EYA2: variants seen among roughly 807,000 people sequenced by gnomAD.
The protein encoded by EYA2 is EYA transcriptional coactivator and phosphatase 2.
In EYA2, 31 loss-of-function variants were observed where a neutral mutation model predicts 69.2. The ratio of observed to expected loss-of-function variants is 0.45; its 90% CI spans 0.34 to 0.60. The LOEUF (loss-of-function observed/expected upper bound fraction) is 0.60. Ranked by LOEUF, EYA2 falls within the 20% of genes least tolerant of loss-of-function variation. The pLI is 0.02. For synonymous variants in EYA2, 257 were observed against 279.4 expected, an observed-to-expected ratio of 0.92 and a Z score of 0.80; for missense variants, 622 against 701.2, an observed-to-expected ratio of 0.89 and a Z score of 1.28.
chr20:47,033,630 G>A (rs181827680), intron 5 of EYA2, among the ~76,000 whole-genome samples: 4 of 152,270 alleles, frequency 2.6e-5, no homozygotes, highest in African/African-American at 4.8e-5. Context: ...GCAAGGTGTC[G>A]GGGAGAGGCA....
intron 9 of EYA2, among the ~76,000 whole-genome samples, chr20:47,108,018 G>A (rs1346320855): frequency 6.6e-6 from 1 of 152,200 alleles, no homozygotes; most frequent in Non-Finnish European, 1.5e-5. Flanking sequence ...TGTGCCTGGG[G>A]AGTTTGAGGG....
chr20:46,897,117 G>A (rs1055646030), intron 1 of EYA2, among the ~76,000 whole-genome samples: 1 of 152,084 alleles, frequency 6.6e-6, no homozygotes, highest in African/African-American at 2.4e-5. Flanking sequence ...ACTTGTTATA[G>A]GATTACCATT....
At chr20:46,899,895 C>T (rs1415133526) in intron 1 of EYA2, among the ~76,000 whole-genome samples, 1 of 152,222 alleles carries the variant, frequency 6.6e-6, no homozygotes, top group Non-Finnish European at 1.5e-5. Flanking sequence ...TTTGAAAAGT[C>T]TGCCTCTGCC....
rs1555806208 is a variant in EYA2, at chr20:47,166,393, T to TTAAAAAAAAAAAAA, written c.979-2746_979-2745insTAAAAAAAAAAAAA. ...GCTTGGGTGACAGAGCAAGACTGTCTAAAAAAAAAAAAAAAAAAAAAAAAA... is the reference window on the plus strand; with the variant it reads ...GCTTGGGTGACAGAGCAAGACTGTCTTAAAAAAAAAAAAAAAAAAAAAAAAAAAAAAAAAAAAAA... On this transcript the variant is annotated intron_variant, in intron 10 of 15. Coordinates refer to ENST00000327619, the MANE Select transcript of EYA2 (RefSeq NM_005244.5). Among the ~76,000 whole-genome samples, 33 of 34,522 alleles carry TTAAAAAAAAAAAAA rather than the reference T, an allele frequency of 9.6e-4. 4 individuals are homozygous for TTAAAAAAAAAAAAA. The highest frequency in any genetic ancestry group is 1.9e-3 in the Admixed American group (4 of 2,070). 22.6% of individuals were successfully genotyped at this position (34,522 alleles called of 152,430 possible).
At chr20:46,971,790 A>T (rs922859441) in intron 1 of EYA2, among the ~76,000 whole-genome samples, 1 of 152,294 alleles carries the variant, frequency 6.6e-6, no homozygotes, top group East Asian at 1.9e-4. Flanking sequence ...AAATGTTCTG[A>T]TAAGTGGTGC....
intron 1 of EYA2, among the ~76,000 whole-genome samples, chr20:46,980,095 T>G (rs555231766): frequency 6.6e-6 from 1 of 152,296 alleles, no homozygotes; most frequent in South Asian, 2.1e-4. Context: ...GATCCAGAGC[T>G]ATTTGCAAGC....
chr20:47,077,421 G>C (rs1208308815), intron 7 of EYA2, among the ~76,000 whole-genome samples: 1 of 152,202 alleles, frequency 6.6e-6, no homozygotes, highest in Middle Eastern at 3.2e-3. Flanking sequence ...AGATATCACT[G>C]AGTTTCGTTC....
At chr20:47,032,159 T>C (rs183925290) in intron 5 of EYA2, among the ~76,000 whole-genome samples, 13 of 152,272 alleles carry the variant, frequency 8.5e-5, no homozygotes, top group African/African-American at 2.2e-4. Context: ...GCTCAGTATG[T>C]ACCCTTAAAG....
chr20:46,946,513 T>C (rs1356301090), intron 1 of EYA2, among the ~76,000 whole-genome samples: 1 of 152,100 alleles, frequency 6.6e-6, no homozygotes, highest in Non-Finnish European at 1.5e-5. Context: ...TGACCCTGGG[T>C]CCACCCTAAG....
chr20:47,044,975 G>A (rs1273487304), intron 5 of EYA2, among the ~76,000 whole-genome samples: 2 of 152,196 alleles, frequency 1.3e-5, no homozygotes, highest in Non-Finnish European at 2.9e-5. Context: ...TTGCTATGAA[G>A]GAAGAGTACA....
chr20:46,986,001 C>A (rs1046326172), intron 1 of EYA2, among the ~76,000 whole-genome samples: 16 of 151,942 alleles, frequency 1.1e-4, no homozygotes, highest in African/African-American at 3.9e-4. Context: ...ATTTTTTTAA[C>A]CTTTCATTAT....
At chr20:46,996,057 A>C (rs1482001569) in intron 2 of EYA2, among the ~76,000 whole-genome samples, 3 of 152,238 alleles carry the variant, frequency 2.0e-5, no homozygotes, top group Non-Finnish European at 4.4e-5. Flanking sequence ...TGGAAAGAAC[A>C]TCAACAAATT....
intron 1 of EYA2, among the ~76,000 whole-genome samples, chr20:46,946,210 C>T (rs1206137493): frequency 1.3e-5 from 2 of 152,196 alleles, no homozygotes; most frequent in Admixed American, 6.5e-5. Flanking sequence ...TGGCCATCAG[C>T]GGGAGGGCTG....
At chr20:47,029,378 T>C (rs180985860) in intron 5 of EYA2, among the ~76,000 whole-genome samples, 1 of 152,372 alleles carries the variant, frequency 6.6e-6, no homozygotes, top group Admixed American at 6.5e-5. Flanking sequence ...CGCCAGTTAC[T>C]TTGATGGGCA....
At chr20:46,978,541 T>C (rs1440889675) in intron 1 of EYA2, 2 of 534,320 alleles carry the variant, frequency 3.7e-6, no homozygotes, top group Admixed American at 3.9e-5. Flanking sequence ...GAATCAGATA[T>C]TGGACAAGGA....
At chr20:47,141,580 T>C (rs1469765967) in intron 9 of EYA2, among the ~76,000 whole-genome samples, 1 of 152,232 alleles carries the variant, frequency 6.6e-6, no homozygotes, top group Non-Finnish European at 1.5e-5. Flanking sequence ...CATCTACTTC[T>C]CATTTATGAT....
At chr20:46,934,647 C>T (rs963361992) in intron 1 of EYA2, among the ~76,000 whole-genome samples, 2 of 152,094 alleles carry the variant, frequency 1.3e-5, no homozygotes, top group African/African-American at 4.8e-5. Flanking sequence ...GTACAGACAA[C>T]AGATGTCCAC....
At chr20:46,936,149 CAAG>C (rs778235086) in intron 1 of EYA2, among the ~76,000 whole-genome samples, 53 of 152,222 alleles carry the variant, frequency 3.5e-4, no homozygotes, top group Admixed American at 7.8e-4. Flanking sequence ...ATGTTATTAA[CAAG>C]GAGGGGTTAA....
At chr20:46,979,854 C>T (rs1362287256) in intron 1 of EYA2, 2 of 152,230 alleles carry the variant, frequency 1.3e-5, no homozygotes, top group Non-Finnish European at 2.9e-5. Context: ...TGAATACCCA[C>T]TCACTCGTGC....
Sources: allele counts gnomAD v4.1 joint callset (sites outside exome capture counted in the v4.1 genomes callset), GRCh38; gene constraint gnomAD v4.1.1; transcripts MANE v1.5; gene names NCBI Gene and HGNC (gene_info 2026-07-23, HGNC 2026-07-21).